ANTXR2: variants seen among roughly 807,000 people sequenced by gnomAD.
The protein encoded by ANTXR2 is anthrax toxin receptor 2.
A neutral mutation model predicts 73.7 loss-of-function variants in ANTXR2; 44 were observed. The observed-to-expected ratio is 0.60, with a 90% confidence interval of 0.47 to 0.77. ANTXR2 has a LOEUF of 0.77. ANTXR2 is among the 30% of genes least tolerant of loss of function. The pLI, the probability that ANTXR2 is intolerant of heterozygous loss-of-function variation, is 0.00. For missense variants in ANTXR2, 604 were observed against 592.5 expected (o/e 1.02, Z -0.20); for synonymous variants, 217 against 205.9 (o/e 1.05, Z -0.46).
intron 16 of ANTXR2, among the ~76,000 whole-genome samples, chr4:79,916,004 C>T (rs537129532): frequency 6.6e-6 from 1 of 151,834 alleles, no homozygotes; most frequent in South Asian, 2.1e-4. Context: ...CAGTAGAGAC[C>T]ACGCACCATA....
chr4:79,984,756 G>C, intron 13 of ANTXR2, 63 bp downstream of exon 13: 1 of 1,350,578 alleles, frequency 7.4e-7, no homozygotes, highest in Non-Finnish European at 1.0e-6. Context: ...GATTAAATTT[G>C]GGCATGGTAT....
intron 16 of ANTXR2, among the ~76,000 whole-genome samples, chr4:79,949,746 TA>T (rs954511239): frequency 6.6e-6 from 1 of 152,102 alleles, no homozygotes; most frequent in Non-Finnish European, 1.5e-5. Flanking sequence ...GAATGCAAAA[TA>T]GATGGCATGT....
In ANTXR2 at chr4:79,984,877, T is replaced by A. The variant is rs201974778; in HGVS notation, c.1042-14A>T. The A allele has an allele frequency of 4.4e-6, 7 of 1,583,136 alleles. No individual in the cohort carries two copies. The highest frequency in any genetic ancestry group is 4.1e-5 in the African/African-American group (3 of 73,844). On this transcript the variant is annotated splice_polypyrimidine_tract_variant and intron_variant, in intron 12 of 16. Transcript: ENST00000403729. ...ATCCTTAATAACCTGTCAAAAAAAATCAAATATAAAAATTTCTATGGCATA... is the reference window on the plus strand; with the variant it reads ...ATCCTTAATAACCTGTCAAAAAAAAACAAATATAAAAATTTCTATGGCATA...
intron 12 of ANTXR2, among the ~76,000 whole-genome samples, chr4:79,992,820 T>C (rs1481169598): frequency 6.6e-6 from 1 of 152,092 alleles, no homozygotes; most frequent in African/African-American, 2.4e-5. Context: ...CCTGTTTCTT[T>C]CAAGTGAATG....
intron 10 of ANTXR2, 143 bp downstream of exon 10, chr4:80,031,480 A>C (rs1196063239): frequency 1.8e-6 from 1 of 566,786 alleles, no homozygotes; most frequent in African/African-American, 2.0e-5. Flanking sequence ...CCTAGTACTA[A>C]GTTAAGTGGC....
chr4:79,991,076 G>A (rs1464551143), intron 12 of ANTXR2, among the ~76,000 whole-genome samples: 1 of 152,038 alleles, frequency 6.6e-6, no homozygotes, highest in Admixed American at 6.6e-5. Flanking sequence ...AAAAGCAATG[G>A]CAGCAAAAGA....
chr4:79,991,729 A>G (rs76442261), intron 12 of ANTXR2, among the ~76,000 whole-genome samples: 1 of 151,992 alleles, frequency 6.6e-6, no homozygotes, highest in Non-Finnish European at 1.5e-5. Context: ...GACTGGCTAG[A>G]AAAAAAAGTG....
Position 80,020,559 on chromosome 4 carries a change from T to C in ANTXR2, c.867-1583A>G, listed in dbSNP as rs183782685. On this transcript the variant is annotated intron_variant, in intron 10 of 16. Transcript: ENST00000403729. ...TCACAATAGCCCTTGAAGTAAATAG[T>C]AGTTTCACAGTTTTACAGATGGGGG... Among the ~76,000 whole-genome samples, 788 of 152,328 alleles carry C rather than the reference T, an allele frequency of 5.2e-3. 8 individuals are homozygous for C. The highest frequency in any genetic ancestry group is 0.016 in the African/African-American group (647 of 41,574).
intron 16 of ANTXR2, among the ~76,000 whole-genome samples, chr4:79,933,813 C>A (rs2109964505): frequency 6.8e-6 from 1 of 147,804 alleles, no homozygotes; most frequent in African/African-American, 2.5e-5. Context: ...CGGCTCACTG[C>A]AAGCTCCGCC....
At chr4:79,919,863 T>TAATATATATA (rs1491209102) in intron 16 of ANTXR2, among the ~76,000 whole-genome samples, 2 of 4,638 alleles carry the variant, frequency 4.3e-4, no homozygotes, top group Non-Finnish European at 8.2e-4. Context: ...CTAATACATA[T>TAATATATATA]TTTATATATA....
intron 10 of ANTXR2, among the ~76,000 whole-genome samples, chr4:80,025,820 T>A (rs986543293): frequency 6.6e-6 from 1 of 152,156 alleles, no homozygotes; most frequent in African/African-American, 2.4e-5. Context: ...TTTTAGCATA[T>A]CTCAATATGT....
chr4:80,016,559 C>T lies in ANTXR2; in HGVS notation c.945+2339G>A, dbSNP rs183747817. Among the ~76,000 whole-genome samples the T allele has an allele frequency of 1.4e-3, 212 of 152,300 alleles. 1 individual carries two copies. The highest frequency in any genetic ancestry group is 1.2e-3 in the Non-Finnish European group (85 of 68,028). ...CCATCCATTTGTCAACAACTAACAG[C>T]TCCAAAGTTTGTACATCCAATCCAG... is the stretch of plus-strand genomic sequence containing the variant. On this transcript the variant is annotated intron_variant, in intron 11 of 16. Coordinates refer to ENST00000403729, the MANE Select transcript of ANTXR2 (RefSeq NM_058172.6).
chr4:79,912,046 A>G (rs960557760), intron 16 of ANTXR2, among the ~76,000 whole-genome samples: 6 of 151,996 alleles, frequency 3.9e-5, no homozygotes, highest in Admixed American at 2.0e-4. Context: ...CTATAAATAT[A>G]TTACCTTATT....
At chr4:80,035,429 A>G (rs1386363382) in intron 8 of ANTXR2, among the ~76,000 whole-genome samples, 1 of 152,160 alleles carries the variant, frequency 6.6e-6, no homozygotes, top group Non-Finnish European at 1.5e-5. Context: ...GTCAGGCTTG[A>G]AAAAGAAACA....
At chr4:79,958,025 TATTA>T (rs1426232503) in intron 16 of ANTXR2, among the ~76,000 whole-genome samples, 4 of 152,112 alleles carry the variant, frequency 2.6e-5, no homozygotes, top group African/African-American at 9.6e-5. Flanking sequence ...GCCTGCAAAT[TATTA>T]ATTAAAATAA....
At chr4:79,994,652 T>A (rs555721974) in intron 12 of ANTXR2, among the ~76,000 whole-genome samples, 183 of 152,098 alleles carry the variant, frequency 1.2e-3, no homozygotes, top group African/African-American at 4.0e-3. Flanking sequence ...TCCTTTTTTT[T>A]AATGTCATAT....
intron 3 of ANTXR2, among the ~76,000 whole-genome samples, chr4:80,065,706 G>A (rs553020761): frequency 1.3e-5 from 2 of 152,206 alleles, no homozygotes; most frequent in African/African-American, 4.8e-5. Flanking sequence ...ACAGCCCTAC[G>A]GTAAGTATTT....
intron 2 of ANTXR2, 85 bp from the exon 3 acceptor site, chr4:80,069,592 T>C: frequency 9.0e-7 from 1 of 1,110,500 alleles, no homozygotes; most frequent in Non-Finnish European, 1.3e-6. Context: ...GAGGTTCATT[T>C]AAAATTGGTC....
chr4:80,003,577 T>G (rs35252121), intron 12 of ANTXR2, among the ~76,000 whole-genome samples: 9,471 of 151,452 alleles, frequency 0.063, 357 homozygotes, highest in Middle Eastern at 0.099. Flanking sequence ...TAAAATAAAA[T>G]AAAATAAAAA....
Sources: allele counts gnomAD v4.1 joint callset (sites outside exome capture counted in the v4.1 genomes callset), GRCh38; gene constraint gnomAD v4.1.1; transcripts MANE v1.5; gene names NCBI Gene and HGNC (gene_info 2026-07-23, HGNC 2026-07-21).